The following SCLY variants were observed in gnomAD, a reference collection of about 807,000 sequenced individuals.
SCLY encodes the protein selenocysteine lyase.
SCLY carries 38 observed loss-of-function variants against 50.1 expected under a neutral mutation model. The observed-to-expected ratio is 0.76, with a 90% CI of 0.59 to 0.99. SCLY has a LOEUF of 0.99. Ranked by LOEUF, SCLY falls within the 50% of genes least tolerant of loss-of-function variation. The pLI is 0.00. For missense variants in SCLY, 600 were observed against 620.0 expected (o/e 0.97, Z 0.34); for synonymous variants, 243 against 249.4 (o/e 0.97, Z 0.24).
At chr2:238,090,445 T>TC (rs2065350054) in intron 7 of SCLY, among the ~76,000 whole-genome samples, 1 of 152,242 alleles carries the variant, frequency 6.6e-6, no homozygotes, top group East Asian at 1.9e-4. Context: ...GGTCAGGAGT[T>TC]CGAGACCAGC....
rs2106436490 is a variant in SCLY, at chr2:238,066,610, A to G, written c.203-1455A>G. ...GTTGGTGGCTGGGCGGTGGAGAGGC[A>G]GAGTCAGGTTTGGAACATCGTTTGA... is the stretch of plus-strand genomic sequence containing the variant. On this transcript the variant is annotated intron_variant, in intron 2 of 11. Transcript: ENST00000254663. The surrounding 1 kb of genome is among the most constrained non-coding windows in gnomAD (Gnocchi z 4.1). Among the ~76,000 whole-genome samples, 1 of 152,326 alleles carries G rather than the reference A, an allele frequency of 6.6e-6. No individual in the cohort carries two copies. The highest frequency in any genetic ancestry group is 1.9e-4 in the East Asian group (1 of 5,184).
intron 8 of SCLY, chr2:238,091,527 G>A: frequency 2.1e-6 from 1 of 468,938 alleles, no homozygotes; most frequent in African/African-American, 2.0e-5. Flanking sequence ...CAGCAGAGGT[G>A]AAGTGTCAAG....
At chr2:238,068,025 G>T in intron 2 of SCLY, 40 bp from the exon 3 acceptor site, 1 of 1,457,346 alleles carries the variant, frequency 6.9e-7, no homozygotes, top group Non-Finnish European at 9.6e-7. Flanking sequence ...ATTGAGCTTG[G>T]TGAAGCAATG....
At chr2:238,063,322 G>A (rs1468721035) in intron 1 of SCLY, among the ~76,000 whole-genome samples, 1 of 150,302 alleles carries the variant, frequency 6.7e-6, no homozygotes, top group African/African-American at 2.5e-5. Flanking sequence ...ATATGATCTC[G>A]GCTCACAGCA....
In SCLY at chr2:238,091,462, A is replaced by G; in HGVS notation, c.921+208A>G. 8.4e-6 allele frequency: 5 copies of G among 595,428 alleles called. No individual in the cohort carries two copies. In the South Asian group the frequency reaches 9.8e-5, roughly 12 times the overall value. 36.9% of individuals were successfully genotyped at this position (595,428 alleles called of 1,614,324 possible). ...TAGTGGCACTTGTTTAGCATTTAAA[A>G]GGGAAAAACTCCTTGTCTGTGTCTC... On this transcript the variant is annotated intron_variant, in intron 8 of 11. Coordinates refer to ENST00000254663, the MANE Select transcript of SCLY (RefSeq NM_016510.7).
intron 9 of SCLY, 147 bp downstream of exon 9, chr2:238,094,091 G>C (rs1165893897): frequency 5.3e-6 from 4 of 749,910 alleles, no homozygotes; most frequent in South Asian, 3.5e-5. Context: ...AGGGAAGAAA[G>C]AACAGTGGCA....
At chr2:238,094,150 G>A in intron 9 of SCLY, 1 of 620,204 alleles carries the variant, frequency 1.6e-6, no homozygotes, top group Non-Finnish European at 2.8e-6. Flanking sequence ...CTAGGCCAGG[G>A]GCATGATCTT....
intron 2 of SCLY, among the ~76,000 whole-genome samples, chr2:238,065,736 G>T (rs2065065481): frequency 6.6e-6 from 1 of 150,722 alleles, no homozygotes. Context: ...GTGCAGTGGT[G>T]CAATCTCGGG....
rs759802818 is a variant in SCLY at position 238,094,575 on chromosome 2, C to T, written c.1108+53C>T. ...GAGTGTGAGCACAGCTCCCTCGGTG[C>T]GTGGATTCTGGTCCGAGCCAGTGAC... is the stretch of plus-strand genomic sequence containing the variant. On this transcript the variant is annotated intron_variant, in intron 10 of 11. Coordinates refer to ENST00000254663, the MANE Select transcript of SCLY (RefSeq NM_016510.7). 4.1e-5 allele frequency: 60 copies of T among 1,452,360 alleles called. 2 individuals are homozygous for T. The highest frequency in any genetic ancestry group is 2.7e-4 in the East Asian group (12 of 44,156). 90.0% of individuals were successfully genotyped at this position (1,452,360 alleles called of 1,614,324 possible).
intron 11 of SCLY, among the ~76,000 whole-genome samples, chr2:238,097,430 G>C (rs951360558): frequency 3.3e-4 from 50 of 152,290 alleles, no homozygotes; most frequent in Non-Finnish European, 5.6e-4. Context: ...CTGGTCTGCT[G>C]AAAACGTGAG....
chr2:238,078,885 G>T lies in SCLY; in HGVS notation c.485-2824G>T, dbSNP rs192631299. The stretch of plus-strand genomic sequence containing the variant: ...TTGTTGTATTTTTAGTAGAAACAGG[G>T]TTTCTCCATGTTGGCCAGGCTGATC... On this transcript the variant is annotated intron_variant, in intron 4 of 11. Coordinates refer to ENST00000254663, the MANE Select transcript of SCLY (RefSeq NM_016510.7). 154 of 151,708 alleles carry T rather than the reference G, an allele frequency of 1.0e-3. 2 individuals carry two copies. In the East Asian group the frequency reaches 0.025, roughly 25 times the overall value. The allele number at this position is 151,708 out of a possible 1,614,324, so 9.4% of individuals were successfully genotyped here.
chr2:238,097,142 G>A (rs866917841), intron 11 of SCLY, among the ~76,000 whole-genome samples: 82 of 150,582 alleles, frequency 5.4e-4, no homozygotes, highest in African/African-American at 1.9e-3. Context: ...GAGGGCCAGC[G>A]TGGCCGGGGC....
rs1281856406 is a variant in SCLY at position 238,083,637 on chromosome 2, A to G, written c.884+283A>G. Among the ~76,000 whole-genome samples the G allele has an allele frequency of 6.6e-6, 1 of 152,192 alleles. No homozygotes were observed. The highest frequency in any genetic ancestry group is 6.5e-5 in the Admixed American group (1 of 15,278). On this transcript the variant is annotated intron_variant, in intron 7 of 11. Transcript: ENST00000254663. This position sits in a 1 kb window ranked among gnomAD's most constrained non-coding sequence, Gnocchi z 4.3. Reference sequence around the variant, plus strand: ...CTTGTAATTTTGGCCCAGCCCACTGAAGAGAACTGTTGGACCCTTCATGGC... The same window carrying G: ...CTTGTAATTTTGGCCCAGCCCACTGGAGAGAACTGTTGGACCCTTCATGGC...
Position 238,082,121 on chromosome 2 carries a change from T to A in SCLY, c.689T>A (p.Val230Glu), listed in dbSNP as rs745554562. ...GCAGCTGGGCTACCTCCCATCCTCG[T>A]GCACACGGATGCTGCACAGGCCTTG... is the stretch of plus-strand genomic sequence containing the variant. ...RVAAGLPPIL[V>E]HTDAAQALGK... The change falls in exon 6 of 12, where the codon GTG becomes GAG. Residue 230 changes from valine (V) to glutamate (E), a missense_variant. Val to Glu is a moderately radical substitution (Grantham distance 121, BLOSUM62 -2). Transcript: ENST00000254663. 1 of 1,613,314 alleles carries A rather than the reference T, an allele frequency of 6.2e-7. No homozygotes were observed. The highest frequency in any genetic ancestry group is 1.7e-5 in the Admixed American group (1 of 60,026).
At chr2:238,061,859 G>C (rs1196570753) in intron 1 of SCLY, among the ~76,000 whole-genome samples, 1 of 152,172 alleles carries the variant, frequency 6.6e-6, no homozygotes, top group Non-Finnish European at 1.5e-5. Context: ...AAGAGCAGGA[G>C]GCAGGGGTAT....
chr2:238,086,210 A>G (rs1365097093), intron 7 of SCLY, among the ~76,000 whole-genome samples: 1 of 152,224 alleles, frequency 6.6e-6, no homozygotes, highest in African/African-American at 2.4e-5. Flanking sequence ...AGATGAAGAA[A>G]AACTAAGAAT....
At chr2:238,076,723 A>T (rs3052466) in intron 4 of SCLY, among the ~76,000 whole-genome samples, 2,128 of 19,220 alleles carry the variant, frequency 0.11, 44 homozygotes, top group African/African-American at 0.3. Context: ...AAAATAAATT[A>T]AAAAAAAAAA....
intron 2 of SCLY, 29 bp downstream of exon 2, chr2:238,064,498 G>T (rs764013239): frequency 6.1e-5 from 92 of 1,517,890 alleles, no homozygotes; most frequent in Non-Finnish European, 7.8e-5. Flanking sequence ...CGTGTTCACT[G>T]ATGGGAGATA....
At chr2:238,090,372 C>T (rs760230139) in intron 7 of SCLY, among the ~76,000 whole-genome samples, 4 of 152,150 alleles carry the variant, frequency 2.6e-5, no homozygotes, top group Non-Finnish European at 4.4e-5. Flanking sequence ...ATTAATGGGC[C>T]GGGCGCAGTG....
Sources: allele counts gnomAD v4.1 joint callset (sites outside exome capture counted in the v4.1 genomes callset), GRCh38; gene constraint gnomAD v4.1.1; non-coding constraint Gnocchi (gnomAD v3.1); transcripts MANE v1.5; gene names NCBI Gene and HGNC (gene_info 2026-07-23, HGNC 2026-07-21).